The following TEKT5 variants were observed in gnomAD, a reference collection of about 807,000 sequenced individuals.
TEKT5 encodes tektin 5.
TEKT5 carries 52 observed loss-of-function variants against 48.7 expected under a neutral mutation model. That is an observed-to-expected ratio of 1.07 (90% CI 0.86 to 1.35). TEKT5 has a LOEUF of 1.35. Ranked by LOEUF, TEKT5 falls within the 40% of genes most tolerant of loss-of-function variation. The pLI is 0.00. For missense variants in TEKT5, 831 were observed against 641.6 expected (o/e 1.30, Z -3.19); for synonymous variants, 318 against 267.6 (o/e 1.19, Z -1.84).
intron 1 of TEKT5, chr16:10,690,875 T>G (rs148164931): frequency 1.3e-6 from 1 of 783,764 alleles, no homozygotes; most frequent in Non-Finnish European, 1.5e-6. Context: ...GATGCAAATG[T>G]ATGTGAGAAC....
chr16:10,675,877 T>G, intron 5 of TEKT5, 82 bp downstream of exon 5: 1 of 1,412,794 alleles, frequency 7.1e-7, no homozygotes, highest in Non-Finnish European at 9.9e-7. Flanking sequence ...CAGGGCCAGC[T>G]TGGCCCAGAT....
chr16:10,652,002 A>G (rs986986416), intron 5 of TEKT5, among the ~76,000 whole-genome samples: 3 of 152,104 alleles, frequency 2.0e-5, no homozygotes. Context: ...TTGGCACCAG[A>G]CTATCTAAAT....
chr16:10,676,195 A>G lies in TEKT5; in HGVS notation c.864-14T>C. The G allele has an allele frequency of 1.9e-6, 3 of 1,613,528 alleles. No individual in the cohort carries two copies. The highest frequency in any genetic ancestry group is 1.7e-6 in the Non-Finnish European group (2 of 1,179,472). On this transcript the variant is annotated splice_polypyrimidine_tract_variant and intron_variant, in intron 4 of 6. Transcript: ENST00000283025. Reference sequence around the variant, plus strand: ...GGTACGGAGATCCTGCAAAGGCACAAGGGTGAGTTGCAGCAGTCCTGGAAG... The same window carrying G: ...GGTACGGAGATCCTGCAAAGGCACAGGGGTGAGTTGCAGCAGTCCTGGAAG...
At chr16:10,675,142 T>C (rs767862538) in intron 5 of TEKT5, among the ~76,000 whole-genome samples, 2 of 152,250 alleles carry the variant, frequency 1.3e-5, no homozygotes, top group Non-Finnish European at 2.9e-5. Flanking sequence ...AGGGGTACTG[T>C]TCTGCAAACA....
rs1240664804 is a variant in TEKT5, at chr16:10,682,036, C to T, written c.820G>A (p.Asp274Asn). ...EKCFNLRNTSDCISFFHGMEK... is the reference protein window; with the variant it reads ...EKCFNLRNTSNCISFFHGMEK... ...ATGCCGTGGAAGAAGCTGATGCAGT[C>T]TGACGTATTTCTCAGGTTAAAGCAC... Residue 274 changes from aspartate to asparagine, a missense_variant, in exon 4 of 7, where the codon GAC becomes AAC. Asp to Asn is a conservative substitution (Grantham distance 23). Transcript: ENST00000283025. The T allele has an allele frequency of 1.9e-6, 3 of 1,614,100 alleles. No individual in the cohort carries two copies. In the African/African-American group the frequency reaches 4.0e-5, roughly 22 times the overall value.
chr16:10,653,784 G>A (rs540753484), intron 5 of TEKT5, among the ~76,000 whole-genome samples: 54 of 152,224 alleles, frequency 3.5e-4, no homozygotes, highest in African/African-American at 1.3e-3. Context: ...ATGGTGGCAG[G>A]AGCCTGTAAT....
At chr16:10,675,062 A>G (rs2719708) in intron 5 of TEKT5, among the ~76,000 whole-genome samples, 93,176 of 151,934 alleles carry the variant, frequency 0.61, 30,544 homozygotes, top group East Asian at 0.87. Context: ...CTGGCCTCAA[A>G]TGATCTGCCC....
intron 4 of TEKT5, among the ~76,000 whole-genome samples, chr16:10,679,504 T>C (rs2142305421): frequency 6.6e-6 from 1 of 151,758 alleles, no homozygotes; most frequent in Non-Finnish European, 1.5e-5. Flanking sequence ...TCATCATTGT[T>C]AATCCATGGT....
At chr16:10,683,589 T>G (rs1898798405) in intron 3 of TEKT5, among the ~76,000 whole-genome samples, 1 of 151,916 alleles carries the variant, frequency 6.6e-6, no homozygotes. Context: ...TCACTTTTAT[T>G]TAATTAATTA....
At chr16:10,659,287 G>A (rs991871758) in intron 5 of TEKT5, among the ~76,000 whole-genome samples, 5 of 152,212 alleles carry the variant, frequency 3.3e-5, no homozygotes, top group Admixed American at 3.3e-4. Flanking sequence ...TGACGAATAT[G>A]TACAACTATT....
intron 5 of TEKT5, among the ~76,000 whole-genome samples, chr16:10,640,602 A>G (rs1436193397): frequency 6.6e-6 from 1 of 152,156 alleles, no homozygotes; most frequent in Non-Finnish European, 1.5e-5. Flanking sequence ...GTTTCTGTAT[A>G]CCGCTTTACA....
At chr16:10,675,676 T>C (rs1898632170) in intron 5 of TEKT5, among the ~76,000 whole-genome samples, 1 of 152,116 alleles carries the variant, frequency 6.6e-6, no homozygotes, top group Admixed American at 6.6e-5. Flanking sequence ...ACATGGGTCT[T>C]AGATGGAAAA....
At chr16:10,647,144 G>A (rs77376103) in intron 5 of TEKT5, among the ~76,000 whole-genome samples, 2,920 of 152,076 alleles carry the variant, frequency 0.019, 98 homozygotes, top group African/African-American at 0.067. Context: ...TGGGGTGGAC[G>A]GGACATTACT....
intron 3 of TEKT5, among the ~76,000 whole-genome samples, chr16:10,683,767 T>C (rs1270148350): frequency 6.6e-6 from 1 of 152,096 alleles, no homozygotes; most frequent in Non-Finnish European, 1.5e-5. Context: ...ATTTTTGTGT[T>C]TTTTTAGTAG....
chr16:10,672,848 GTTTT>G (rs537879870), intron 5 of TEKT5, among the ~76,000 whole-genome samples: 226 of 147,036 alleles, frequency 1.5e-3, no homozygotes, highest in Admixed American at 3.5e-3. Flanking sequence ...TTTTGTTTTT[GTTTT>G]TTTTTGTTTT....
rs148495283 is a variant in TEKT5 at position 10,677,846 on chromosome 16, G to A, written c.864-1665C>T. Among the ~76,000 whole-genome samples, 1,235 of 152,284 alleles carry A rather than the reference G, an allele frequency of 8.1e-3. 5 individuals carry two copies. The highest frequency in any genetic ancestry group is 0.012 in the Non-Finnish European group (786 of 68,034). On this transcript the variant is annotated intron_variant, in intron 4 of 6. Coordinates refer to ENST00000283025, the MANE Select transcript of TEKT5 (RefSeq NM_144674.2). ...AACCATCTGGAAACCAAAGGACAGAGAGCCCAGGAGAGGTCTGCAGAGGAT... is the reference window on the plus strand; with the variant it reads ...AACCATCTGGAAACCAAAGGACAGAAAGCCCAGGAGAGGTCTGCAGAGGAT...
At chr16:10,681,941 C>A in intron 4 of TEKT5, 52 bp downstream of exon 4, 1 of 1,593,334 alleles carries the variant, frequency 6.3e-7, no homozygotes, top group Non-Finnish European at 8.6e-7. Flanking sequence ...GAGCAGAAGC[C>A]CTCACTCCAG....
At chr16:10,660,152 G>T (rs879309595) in intron 5 of TEKT5, among the ~76,000 whole-genome samples, 4 of 152,148 alleles carry the variant, frequency 2.6e-5, no homozygotes, top group African/African-American at 9.7e-5. Flanking sequence ...TCCAGTATGG[G>T]ATCCAATTTA....
intron 5 of TEKT5, among the ~76,000 whole-genome samples, chr16:10,651,769 G>A (rs1023357241): frequency 2.6e-5 from 4 of 152,110 alleles, no homozygotes; most frequent in Admixed American, 2.0e-4. Flanking sequence ...AGACCAGCCT[G>A]ACAAACATGG....
Sources: allele counts gnomAD v4.1 joint callset (sites outside exome capture counted in the v4.1 genomes callset), GRCh38; gene constraint gnomAD v4.1.1; transcripts MANE v1.5; gene names NCBI Gene and HGNC (gene_info 2026-07-23, HGNC 2026-07-21).